Variants in CLEC16A observed in about 807,000 individuals in gnomAD.
CLEC16A encodes protein CLEC16A.
CLEC16A carries 51 observed loss-of-function variants against 109.5 expected under a neutral mutation model. That is an observed-to-expected ratio of 0.47 (90% CI 0.37 to 0.59). The LOEUF (loss-of-function observed/expected upper bound fraction) is 0.59. Among genes scored for constraint, CLEC16A ranks in the 20% least tolerant of loss-of-function variants. CLEC16A has a pLI of 0.00. For synonymous variants in CLEC16A, 673 were observed against 564.2 expected (o/e 1.19, Z -2.73); for missense variants, 1,339 against 1,394.0 (o/e 0.96, Z 0.63).
At position 10,991,455 on chromosome 16, in the gene CLEC16A, C is replaced by A. The variant is rs1039519579; in HGVS notation, c.1071+8464C>A. 4.0e-5 allele frequency among the ~76,000 whole-genome samples: 6 copies of A among 148,342 alleles called. No homozygotes were observed. The South Asian group carries it at 1.3e-3, about 31-fold the overall frequency. ...AAAAAAAAAAAAAAAAAAGAACAGC[C>A]AGTGCAAAGGCCCTGCGGTGGGATG... On this transcript the variant is annotated intron_variant, in intron 10 of 23. Coordinates refer to ENST00000409790, the MANE Select transcript of CLEC16A (RefSeq NM_015226.3).
intron 13 of CLEC16A, among the ~76,000 whole-genome samples, chr16:11,033,995 C>T (rs1432915283): frequency 1.3e-5 from 2 of 152,218 alleles, no homozygotes; most frequent in Non-Finnish European, 2.9e-5. Flanking sequence ...AGTGACCAAC[C>T]TTCTACTCCT....
chr16:11,181,678 G>C lies in CLEC16A; in HGVS notation c.*2988G>C, dbSNP rs200035484. On this transcript the variant is annotated 3_prime_UTR_variant, in exon 24 of 24. Coordinates refer to ENST00000409790, the MANE Select transcript of CLEC16A (RefSeq NM_015226.3). ...CCATCGCGTGGGATTGGGAGGAGGG[G>C]CCTCCGTGAGCAGCCCCTCCTCTGC... The C allele has an allele frequency of 6.0e-4, 92 of 152,290 alleles. No homozygotes were observed. Among genetic ancestry groups the C allele is most frequent in the African/African-American group, 1.8e-3 (74 of 41,464 alleles). The allele number at this position is 152,290 out of a possible 1,614,324, so 9.4% of individuals were successfully genotyped here.
At chr16:11,006,554 T>C (rs1298678689) in intron 11 of CLEC16A, among the ~76,000 whole-genome samples, 1 of 152,192 alleles carries the variant, frequency 6.6e-6, no homozygotes, top group East Asian at 1.9e-4. Flanking sequence ...AAAGAGATGC[T>C]GACACTCTGC....
At chr16:11,075,102 T>C (rs2049276897) in intron 19 of CLEC16A, among the ~76,000 whole-genome samples, 1 of 152,164 alleles carries the variant, frequency 6.6e-6, no homozygotes, top group South Asian at 2.1e-4. Context: ...AGAAAAAATA[T>C]CTATATTGTT....
intron 22 of CLEC16A, among the ~76,000 whole-genome samples, chr16:11,143,706 G>A (rs1402718396): frequency 2.6e-5 from 4 of 152,178 alleles, no homozygotes; most frequent in Non-Finnish European, 5.9e-5. Context: ...CCCCATCGAT[G>A]TGACACCTTC....
intron 19 of CLEC16A, among the ~76,000 whole-genome samples, chr16:11,117,013 A>G (rs1203593923): frequency 6.6e-6 from 1 of 152,236 alleles, no homozygotes; most frequent in Non-Finnish European, 1.5e-5. Context: ...ATAAAAAAGA[A>G]CTAAGTCGTG....
At chr16:11,072,389 G>A (rs2049125921) in intron 19 of CLEC16A, among the ~76,000 whole-genome samples, 1 of 152,190 alleles carries the variant, frequency 6.6e-6, no homozygotes, top group African/African-American at 2.4e-5. Context: ...AATGTACTGG[G>A]ATTACAGGTG....
intron 19 of CLEC16A, among the ~76,000 whole-genome samples, chr16:11,080,026 G>T (rs988968433): frequency 2.6e-5 from 4 of 152,194 alleles, no homozygotes; most frequent in African/African-American, 9.7e-5. Flanking sequence ...ATGGCATCTT[G>T]TTCCTATCAT....
intron 1 of CLEC16A, among the ~76,000 whole-genome samples, chr16:10,947,202 G>C (rs1197913348): frequency 1.3e-5 from 2 of 152,136 alleles, no homozygotes; most frequent in African/African-American, 2.4e-5. Flanking sequence ...GTGTATTGGT[G>C]GGGGGGTTAG....
chr16:11,064,316 G>A (rs1169323697), intron 19 of CLEC16A, among the ~76,000 whole-genome samples: 1 of 152,246 alleles, frequency 6.6e-6, no homozygotes, highest in East Asian at 1.9e-4. Context: ...GCTTTGGAAT[G>A]GAGGCCAGGG....
intron 22 of CLEC16A, among the ~76,000 whole-genome samples, chr16:11,138,482 T>C (rs1052065085): frequency 6.6e-6 from 1 of 152,152 alleles, no homozygotes; most frequent in African/African-American, 2.4e-5. Flanking sequence ...GGACTTGGGT[T>C]TTAACTGACT....
intron 1 of CLEC16A, among the ~76,000 whole-genome samples, chr16:10,953,485 A>G (rs2041834039): frequency 6.6e-6 from 1 of 152,256 alleles, no homozygotes; most frequent in South Asian, 2.1e-4. Context: ...GCTTGATACA[A>G]GAAACACCAT....
At chr16:11,103,682 G>C (rs1333496975) in intron 19 of CLEC16A, among the ~76,000 whole-genome samples, 1 of 152,138 alleles carries the variant, frequency 6.6e-6, no homozygotes, top group Non-Finnish European at 1.5e-5. Flanking sequence ...GTCTTCCCCT[G>C]CTGTGGCTCT....
In CLEC16A at chr16:11,120,628, G is replaced by A. The variant is rs200192652; in HGVS notation, c.2130G>A (p.Leu710=). The change falls in exon 20 of 24, where the codon TTG becomes TTA. Residue 710 remains leucine, a synonymous_variant. Coordinates refer to ENST00000409790, the MANE Select transcript of CLEC16A (RefSeq NM_015226.3). ...DDVLDLNNSD[L]IACTVITKDG... ...TCCTCCTCCCAGATAACAGCGACTT[G>A]ATTGCATGTACAGTGATCACCAAGG... 5.0e-6 allele frequency: 8 copies of A among 1,609,946 alleles called. No homozygotes were observed. Among genetic ancestry groups the A allele is most frequent in the Middle Eastern group, 3.3e-4 (2 of 6,068 alleles).
chr16:11,166,590 G>A, intron 23 of CLEC16A, 38 bp downstream of exon 23: 1 of 1,525,564 alleles, frequency 6.6e-7, no homozygotes, highest in South Asian at 1.2e-5. Flanking sequence ...GGGACATTTG[G>A]AGAACCCCGT....
intron 19 of CLEC16A, among the ~76,000 whole-genome samples, chr16:11,068,082 C>G (rs1353168241): frequency 1.3e-5 from 2 of 152,154 alleles, no homozygotes; most frequent in African/African-American, 4.8e-5. Flanking sequence ...ATGGAGGAAG[C>G]CTTGGATCCT....
At chr16:11,018,152 A>G (rs2045873786) in intron 11 of CLEC16A, among the ~76,000 whole-genome samples, 1 of 151,770 alleles carries the variant, frequency 6.6e-6, no homozygotes, top group South Asian at 2.1e-4. Flanking sequence ...TACAAATACT[A>G]AAAAATTAGC....
At chr16:11,152,247 G>C (rs2054320125) in intron 22 of CLEC16A, among the ~76,000 whole-genome samples, 1 of 152,200 alleles carries the variant, frequency 6.6e-6, no homozygotes, top group African/African-American at 2.4e-5. Context: ...AATTTCACTT[G>C]AACAGCTAAA....
At chr16:10,977,926 A>G (rs1158009274) in intron 8 of CLEC16A, among the ~76,000 whole-genome samples, 1 of 152,198 alleles carries the variant, frequency 6.6e-6, no homozygotes, top group African/African-American at 2.4e-5. Context: ...AAAGTGAATG[A>G]GAAAAGATTA....
Sources: gnomAD v4.1 joint callset for allele counts (sites outside exome capture counted in the v4.1 genomes callset) on GRCh38, gnomAD v4.1.1 for gene constraint, MANE v1.5 for transcripts, NCBI Gene and HGNC (gene_info 2026-07-23, HGNC 2026-07-21) for gene names.